The following HIVEP2 variants were observed in gnomAD, a reference collection of about 807,000 sequenced individuals.
HIVEP2 encodes the protein transcription factor HIVEP2.
HIVEP2 carries 14 observed loss-of-function variants against 180.7 expected under a neutral mutation model. The observed-to-expected ratio is 0.08, with a 90% CI of 0.05 to 0.12. HIVEP2 has a LOEUF of 0.12. HIVEP2 is among the 10% of genes least tolerant of loss of function. HIVEP2 has a pLI of 1.00. For missense variants in HIVEP2, 2,579 were observed against 3,008.5 expected, an observed-to-expected ratio of 0.86 and a Z score of 3.34; for synonymous variants, 1,184 against 1,136.4, an observed-to-expected ratio of 1.04 and a Z score of -0.84.
At chr6:142,810,775 A>C (rs1201923998) in intron 2 of HIVEP2, among the ~76,000 whole-genome samples, 1 of 151,618 alleles carries the variant, frequency 6.6e-6, no homozygotes, top group Non-Finnish European at 1.5e-5. Flanking sequence ...AAAAAAAAAA[A>C]AAAACAAAAA....
intron 1 of HIVEP2, among the ~76,000 whole-genome samples, chr6:142,918,735 G>A (rs547168432): frequency 2.5e-4 from 38 of 152,056 alleles, no homozygotes; most frequent in Non-Finnish European, 5.0e-4. Context: ...TTGAAGACAA[G>A]GTGAAATAAA....
intron 1 of HIVEP2, among the ~76,000 whole-genome samples, chr6:142,846,428 G>A (rs186087796): frequency 1.3e-3 from 191 of 152,222 alleles, no homozygotes; most frequent in African/African-American, 4.4e-3. Context: ...ACATTCTCCC[G>A]GTCCCCTTAA....
chr6:142,935,046 A>G (rs752907074), intron 1 of HIVEP2, among the ~76,000 whole-genome samples: 7 of 152,238 alleles, frequency 4.6e-5, no homozygotes, highest in Non-Finnish European at 7.3e-5. Flanking sequence ...ATCACAGTTC[A>G]GCTATAAGCT....
chr6:142,936,428 G>T (rs1366151763), intron 1 of HIVEP2, among the ~76,000 whole-genome samples: 1 of 151,870 alleles, frequency 6.6e-6, no homozygotes, highest in African/African-American at 2.4e-5. Flanking sequence ...CTGACCTTGT[G>T]ATCCACCCAC....
intron 2 of HIVEP2, among the ~76,000 whole-genome samples, chr6:142,811,283 G>A (rs947101186): frequency 6.6e-6 from 1 of 152,118 alleles, no homozygotes; most frequent in Non-Finnish European, 1.5e-5. Context: ...TCAGAGCACT[G>A]TAAAGCAAAT....
Position 142,805,337 on chromosome 6 carries a change from A to G in HIVEP2, c.-527-21722T>C, listed in dbSNP as rs562927129. 1.1e-3 allele frequency among the ~76,000 whole-genome samples: 163 copies of G among 151,584 alleles called. 1 individual carries two copies. The highest frequency in any genetic ancestry group is 1.8e-3 in the Non-Finnish European group (124 of 67,820). ...AATTAACTCCAACATTCCCTTCTCA[A>G]GGAACCCCCCAGCTCCTCTCTACCC... On this transcript the variant is annotated intron_variant, in intron 2 of 9. Transcript: ENST00000367603.
intron 2 of HIVEP2, among the ~76,000 whole-genome samples, chr6:142,826,435 G>A (rs1774903619): frequency 6.6e-6 from 1 of 152,132 alleles, no homozygotes; most frequent in Non-Finnish European, 1.5e-5. Flanking sequence ...GCTTCCAAAG[G>A]TGGAAGATGT....
chr6:142,782,615 G>A lies in HIVEP2; in HGVS notation c.-433+906C>T, dbSNP rs147057934. 2.1e-4 allele frequency among the ~76,000 whole-genome samples: 32 copies of A among 152,280 alleles called. No homozygotes were observed. The East Asian group carries it at 6.0e-3, about 28-fold the overall frequency. ...TCCAAAATGAGCAAGTTGTCTATAT[G>A]GAGAAAACTCTATTATATACAATCC... On this transcript the variant is annotated intron_variant, in intron 3 of 9. Transcript: ENST00000367603.
chr6:142,851,588 C>T (rs1775674116), intron 1 of HIVEP2, among the ~76,000 whole-genome samples: 1 of 152,232 alleles, frequency 6.6e-6, no homozygotes, highest in Non-Finnish European at 1.5e-5. Flanking sequence ...CCCCGAAAGG[C>T]TCAGGAACTT....
intron 1 of HIVEP2, among the ~76,000 whole-genome samples, chr6:142,856,699 T>A (rs1482319388): frequency 6.6e-6 from 1 of 152,192 alleles, no homozygotes; most frequent in East Asian, 1.9e-4. Context: ...TTGGAGACCA[T>A]AAAATGCAAT....
At chr6:142,846,676 G>A (rs1223463417) in intron 1 of HIVEP2, among the ~76,000 whole-genome samples, 1 of 152,172 alleles carries the variant, frequency 6.6e-6, no homozygotes, top group Non-Finnish European at 1.5e-5. Context: ...TCAGCCTCTT[G>A]GGCTGATGAG....
intron 7 of HIVEP2, among the ~76,000 whole-genome samples, chr6:142,762,452 G>GCACACACA (rs35168499): frequency 0.014 from 1,975 of 144,046 alleles, 22 homozygotes; most frequent in Non-Finnish European, 0.02. Flanking sequence ...ACAGAAGAAT[G>GCACACACA]CACACACACA....
Position 142,769,858 on chromosome 6 carries a change from C to T in HIVEP2, c.4881G>A (p.Thr1627=), listed in dbSNP as rs769437750. The part of the protein sequence containing the change: ...GNVADSTLLL[T]DMADFQQILQ... Reference sequence around the variant, plus strand: ...GAATCTGCTGGAAATCTGCCATGTCCGTGAGAAGAAGAGTTGAGTCTGCCA... The same window carrying T: ...GAATCTGCTGGAAATCTGCCATGTCTGTGAGAAGAAGAGTTGAGTCTGCCA... Residue 1627 remains threonine (T), a synonymous_variant, in exon 5 of 10, where the codon ACG becomes ACA. Transcript: ENST00000367603. 11 of 1,614,044 alleles carry T rather than the reference C, an allele frequency of 6.8e-6. No individual in the cohort carries two copies. The Admixed American group carries it at 1.2e-4, about 17-fold the overall frequency.
chr6:142,850,851 C>T (rs1041929370), intron 1 of HIVEP2, among the ~76,000 whole-genome samples: 1 of 152,162 alleles, frequency 6.6e-6, no homozygotes, highest in Non-Finnish European at 1.5e-5. Context: ...CATACCTCAC[C>T]GTGGTTCTCA....
intron 3 of HIVEP2, among the ~76,000 whole-genome samples, chr6:142,781,318 T>A (rs1024690075): frequency 6.6e-6 from 1 of 152,202 alleles, no homozygotes; most frequent in Non-Finnish European, 1.5e-5. Flanking sequence ...TCACTGAGAT[T>A]TCCTTTTATG....
chr6:142,858,982 A>G (rs1775899741), intron 1 of HIVEP2, among the ~76,000 whole-genome samples: 1 of 152,122 alleles, frequency 6.6e-6, no homozygotes, highest in Non-Finnish European at 1.5e-5. Context: ...TATAAACCAT[A>G]AACTCGTGGA....
intron 2 of HIVEP2, among the ~76,000 whole-genome samples, chr6:142,820,123 C>T (rs898272127): frequency 6.6e-6 from 1 of 152,104 alleles, no homozygotes. Context: ...GAAAGCAGCC[C>T]GATTTAATTG....
chr6:142,769,012 C>T (rs1466736130), intron 5 of HIVEP2, among the ~76,000 whole-genome samples: 3 of 148,846 alleles, frequency 2.0e-5, no homozygotes, highest in Admixed American at 6.6e-5. Context: ...TATAATTTTA[C>T]ATGGAAGGCA....
intron 1 of HIVEP2, among the ~76,000 whole-genome samples, chr6:142,854,317 G>A (rs1321240478): frequency 5.3e-5 from 8 of 152,184 alleles, no homozygotes; most frequent in East Asian, 3.9e-4. Flanking sequence ...CAGGATAGTC[G>A]CCCACAACAA....
Sources: gnomAD v4.1 joint callset for allele counts (sites outside exome capture counted in the v4.1 genomes callset) on GRCh38, gnomAD v4.1.1 for gene constraint, MANE v1.5 for transcripts, NCBI Gene and HGNC (gene_info 2026-07-23, HGNC 2026-07-21) for gene names.